Variants in MUC7 observed in about 807,000 individuals in gnomAD.
MUC7 encodes the protein mucin 7, secreted.
MUC7 carries 2 observed loss-of-function variants against 2.5 expected under a neutral mutation model. The ratio of observed to expected loss-of-function variants is 0.81; its 90% CI spans 0.33 to 2.55. The LOEUF (loss-of-function observed/expected upper bound fraction) is 2.55, where lower values mean the gene tolerates loss of function less well. Ranked by LOEUF, MUC7 falls within the 30% of genes most tolerant of loss-of-function variation. The probability of loss-of-function intolerance (pLI) is 0.11; values close to 1 mark genes in which losing one functional copy is unlikely to be tolerated. For missense variants in MUC7, 408 were observed against 455.6 expected (o/e 0.90, Z 0.95); for synonymous variants, 133 against 173.4 (o/e 0.77, Z 1.83).
At chr4:70,467,112 A>G (rs984623290) in intron 1 of MUC7, among the ~76,000 whole-genome samples, 2 of 152,230 alleles carry the variant, frequency 1.3e-5, no homozygotes, top group African/African-American at 4.8e-5. Context: ...AACTCACTCA[A>G]AACTGCACAA....
At chr4:70,450,029 C>T (rs950851409) in intron 1 of MUC7, among the ~76,000 whole-genome samples, 1 of 152,256 alleles carries the variant, frequency 6.6e-6, no homozygotes, top group Non-Finnish European at 1.5e-5. Context: ...TATGTCCTTC[C>T]ATTCAGGATG....
In MUC7 at chr4:70,481,670, C is replaced by T. The variant is rs755003938; in HGVS notation, c.926C>T (p.Thr309Ile). 1.2e-6 allele frequency: 2 copies of T among 1,614,152 alleles called. No individual in the cohort carries two copies. The highest frequency in any genetic ancestry group is 1.3e-5 in the African/African-American group (1 of 75,024). The change falls in exon 3 of 3, where the codon ACC (threonine) becomes ATC (isoleucine). Residue 309 changes from threonine to isoleucine, a missense_variant. Thr to Ile is a moderately conservative substitution (Grantham distance 89). This residue lies in a region of MUC7 where 175 missense variants were observed against 187.1 expected (regional missense o/e 0.94). Transcript: ENST00000304887. ...CAAGAGACCACAGCTGCCCCAATTA[C>T]CACACCTAATTCTTCCCCAACTACT... ...APQETTAAPI[T>I]TPNSSPTTLA...
intron 1 of MUC7, among the ~76,000 whole-genome samples, chr4:70,461,100 G>A (rs1455716660): frequency 6.6e-6 from 1 of 152,088 alleles, no homozygotes; most frequent in African/African-American, 2.4e-5. Flanking sequence ...AGCTTATCTT[G>A]GCCAAGCTGG....
intron 1 of MUC7, among the ~76,000 whole-genome samples, chr4:70,435,117 T>C (rs527491499): frequency 6.6e-6 from 1 of 152,350 alleles, no homozygotes; most frequent in Admixed American, 6.5e-5. Context: ...GAGGCATGTT[T>C]TATTTCCAAT....
intron 2 of MUC7, among the ~76,000 whole-genome samples, chr4:70,476,641 G>T (rs1188208758): frequency 6.6e-6 from 1 of 152,108 alleles, no homozygotes; most frequent in Non-Finnish European, 1.5e-5. Flanking sequence ...ACAAAAATTA[G>T]CTGGGCGTGG....
In MUC7 at chr4:70,479,718, C is replaced by T. The variant is rs528729305; in HGVS notation, c.55-1081C>T. On this transcript the variant is annotated intron_variant, in intron 2 of 2. Transcript: ENST00000304887. ...GGTACTCTAACTCAAATAATGTCAG[C>T]AATGGCTAAAGGAAATAAAAATATC... is the stretch of plus-strand genomic sequence containing the variant. Among the ~76,000 whole-genome samples, 3 of 152,244 alleles carry T rather than the reference C, an allele frequency of 2.0e-5. No homozygotes were observed. In the South Asian group the frequency reaches 6.2e-4, roughly 32 times the overall value.
At chr4:70,462,762 T>C (rs1456359612) in intron 1 of MUC7, among the ~76,000 whole-genome samples, 2 of 151,968 alleles carry the variant, frequency 1.3e-5, no homozygotes, top group Non-Finnish European at 2.9e-5. Flanking sequence ...TGCTTGAGGC[T>C]AGTAGTTCAA....
chr4:70,432,937 T>C (rs974665522), intron 1 of MUC7, among the ~76,000 whole-genome samples: 1 of 152,210 alleles, frequency 6.6e-6, no homozygotes, highest in South Asian at 2.1e-4. Context: ...CAGTTTCAGC[T>C]TTCTACATAT....
intron 1 of MUC7, among the ~76,000 whole-genome samples, chr4:70,463,116 C>T (rs1734598020): frequency 6.6e-6 from 1 of 151,908 alleles, no homozygotes; most frequent in Non-Finnish European, 1.5e-5. Context: ...TTCCATAGAC[C>T]CTCTCTCTGC....
intron 2 of MUC7, among the ~76,000 whole-genome samples, chr4:70,475,483 A>G (rs1734971996): frequency 6.6e-6 from 1 of 152,142 alleles, no homozygotes; most frequent in South Asian, 2.1e-4. Flanking sequence ...ACCTAGGGAG[A>G]AAATGTAGGA....
intron 2 of MUC7, among the ~76,000 whole-genome samples, chr4:70,476,290 A>G (rs1734999400): frequency 6.6e-6 from 1 of 152,208 alleles, no homozygotes. Flanking sequence ...CTGGCTACCA[A>G]CACCTCTATA....
In MUC7 at chr4:70,481,178, T is replaced by C; in HGVS notation, c.434T>C (p.Val145Ala). 6.2e-7 allele frequency: 1 copy of C among 1,614,188 alleles called. No individual in the cohort carries two copies. The highest frequency in any genetic ancestry group is 8.5e-7 in the Non-Finnish European group (1 of 1,180,038). ...NATTISSREN[V>A]NTSSSVATLA... ...ACCACCATATCTTCAAGAGAAAATGTTAACACAAGCTCTTCTGTAGCTACA... is the reference window on the plus strand; with the variant it reads ...ACCACCATATCTTCAAGAGAAAATGCTAACACAAGCTCTTCTGTAGCTACA... Residue 145 changes from valine (V) to alanine (A), a missense_variant, in exon 3 of 3, where the codon GTT becomes GCT. This residue lies in a region of MUC7 where 225 missense variants were observed against 240.5 expected (regional missense o/e 0.94). Transcript: ENST00000304887.
chr4:70,462,969 A>AAATGAATGAATGAATG (rs145384221), intron 1 of MUC7, among the ~76,000 whole-genome samples: 113 of 151,816 alleles, frequency 7.4e-4, no homozygotes, highest in African/African-American at 2.6e-3. Context: ...TTGTCTCTAA[A>AAATGAATGAATGAATG]AATGAATGAA....
At chr4:70,446,355 G>A (rs997353273) in intron 1 of MUC7, among the ~76,000 whole-genome samples, 6 of 152,140 alleles carry the variant, frequency 3.9e-5, no homozygotes, top group African/African-American at 1.4e-4. Context: ...TATAGGCTAG[G>A]GGTCTGAAAT....
intron 1 of MUC7, 41 bp from the exon 2 acceptor site, chr4:70,473,966 A>G (rs1734915229): frequency 7.1e-7 from 1 of 1,415,648 alleles, no homozygotes. Flanking sequence ...CTCTCCCATA[A>G]TATCATAACT....
upstream of MUC7, chr4:70,471,995 T>C (rs1365068193): frequency 6.6e-6 from 1 of 152,208 alleles, no homozygotes; most frequent in Admixed American, 6.5e-5. Flanking sequence ...AGTTACTCAT[T>C]GAGAACCTCT....
intron 1 of MUC7, among the ~76,000 whole-genome samples, chr4:70,460,406 A>C (rs958728582): frequency 2.0e-5 from 3 of 152,196 alleles, no homozygotes; most frequent in African/African-American, 4.8e-5. Context: ...AAGCAAGAGC[A>C]AAAAGAAAGG....
intron 2 of MUC7, 124 bp downstream of exon 2, chr4:70,474,199 T>C: frequency 6.6e-6 from 5 of 761,028 alleles, no homozygotes; most frequent in Non-Finnish European, 1.1e-5. Context: ...ATCTTTTATT[T>C]CCAGGAAACC....
Position 70,463,207 on chromosome 4 carries a change from A to T in MUC7, c.-92-9008A>T, listed in dbSNP as rs554933346. 2.6e-5 allele frequency among the ~76,000 whole-genome samples: 4 copies of T among 152,140 alleles called. No homozygotes were observed. The East Asian group carries it at 5.8e-4, about 22-fold the overall frequency. On this transcript the variant is annotated intron_variant, in intron 1 of 3. Transcript: ENST00000413702. Reference sequence around the variant, plus strand: ...AGATACACTTCAAACCACAAAAAAAAATCCTAAAATAATATTGACACAACA... The same window carrying T: ...AGATACACTTCAAACCACAAAAAAATATCCTAAAATAATATTGACACAACA...
Sources: gnomAD v4.1 joint callset for allele counts (sites outside exome capture counted in the v4.1 genomes callset) on GRCh38, gnomAD v4.1.1 for gene constraint, gnomAD v4.1.1 regional missense constraint, MANE v1.5 for transcripts, NCBI Gene and HGNC (gene_info 2026-07-23, HGNC 2026-07-21) for gene names.